NAV2: variants seen among roughly 807,000 people sequenced by gnomAD.
NAV2 encodes the protein neuron navigator 2.
In NAV2, 54 loss-of-function variants were observed where a neutral mutation model predicts 223.2. The ratio of observed to expected loss-of-function variants is 0.24; its 90% CI spans 0.19 to 0.30. NAV2 has a LOEUF of 0.30. NAV2 is among the 10% of genes least tolerant of loss of function. The probability of loss-of-function intolerance (pLI) is 1.00; values close to 1 mark genes in which losing one functional copy is unlikely to be tolerated. For missense variants in NAV2, 2,806 were observed against 3,147.5 expected, an observed-to-expected ratio of 0.89 and a Z score of 2.60; for synonymous variants, 1,279 against 1,239.3, an observed-to-expected ratio of 1.03 and a Z score of -0.67.
intron 1 of NAV2, among the ~76,000 whole-genome samples, chr11:19,684,917 TG>T (rs554094626): frequency 3.0e-4 from 45 of 152,334 alleles, no homozygotes; most frequent in African/African-American, 1.1e-3. Flanking sequence ...GTACAGTGCC[TG>T]GCACATTGTA....
intron 22 of NAV2, among the ~76,000 whole-genome samples, chr11:20,076,796 C>T (rs1471898403): frequency 6.6e-6 from 1 of 152,118 alleles, no homozygotes; most frequent in Non-Finnish European, 1.5e-5. Context: ...AAATTAGATG[C>T]TATTTTACTT....
chr11:19,398,329 T>C (rs949095016), intron 1 of NAV2, among the ~76,000 whole-genome samples: 3 of 152,120 alleles, frequency 2.0e-5, no homozygotes, highest in African/African-American at 7.2e-5. Context: ...AATGAGAGGA[T>C]GGTGCGAATG....
intron 8 of NAV2, among the ~76,000 whole-genome samples, chr11:19,941,954 T>C (rs932981631): frequency 2.0e-5 from 3 of 152,188 alleles, no homozygotes; most frequent in African/African-American, 7.2e-5. Flanking sequence ...AATCCTGGAT[T>C]TTTTCCATGG....
chr11:19,936,311 A>T (rs2045899471), intron 7 of NAV2, among the ~76,000 whole-genome samples: 1 of 152,216 alleles, frequency 6.6e-6, no homozygotes, highest in African/African-American at 2.4e-5. Context: ...AAAATATGAC[A>T]GTCTTTGATC....
intron 1 of NAV2, among the ~76,000 whole-genome samples, chr11:19,695,907 A>AAATAAAATAAAATAT (rs2049324471): frequency 1.3e-5 from 2 of 151,210 alleles, no homozygotes; most frequent in African/African-American, 4.8e-5. Context: ...AAATAAAATA[A>AAATAAAATAAAATAT]AATAAAATAA....
intron 11 of NAV2, among the ~76,000 whole-genome samples, chr11:20,024,048 A>T (rs1209909185): frequency 6.6e-6 from 1 of 152,114 alleles, no homozygotes; most frequent in Non-Finnish European, 1.5e-5. Flanking sequence ...ACCCAGGTTC[A>T]CTCTACCACC....
rs187645558 is a variant in NAV2, at chr11:19,448,866, G to T, written c.75+97839G>T. On this transcript the variant is annotated intron_variant, in intron 1 of 37. Transcript: ENST00000360655. ...TGGCAATGAAGTTATGGTCTGTGAAGGAGGGAGAGAGGAGAGCCAGAAAGT... is the reference window on the plus strand; with the variant it reads ...TGGCAATGAAGTTATGGTCTGTGAATGAGGGAGAGAGGAGAGCCAGAAAGT... 1.3e-5 allele frequency among the ~76,000 whole-genome samples: 2 copies of T among 152,212 alleles called. 1 individual carries two copies. Among genetic ancestry groups the T allele is most frequent in the South Asian group, 4.1e-4 (2 of 4,834 alleles).
intron 1 of NAV2, among the ~76,000 whole-genome samples, chr11:19,468,111 T>C (rs533235479): frequency 4.8e-4 from 73 of 152,192 alleles, no homozygotes; most frequent in African/African-American, 3.4e-4. Flanking sequence ...TGGTAGAGCA[T>C]GGAGGTTCTT....
At chr11:20,051,656 G>A (rs1056834257) in intron 17 of NAV2, among the ~76,000 whole-genome samples, 8 of 152,190 alleles carry the variant, frequency 5.3e-5, no homozygotes, top group Non-Finnish European at 1.2e-4. Flanking sequence ...ACTTCACCAT[G>A]ACCATTCTGT....
chr11:20,095,872 C>A (rs2061228272), intron 30 of NAV2, 105 bp downstream of exon 30: 4 of 788,714 alleles, frequency 5.1e-6, no homozygotes, highest in Middle Eastern at 2.5e-4. Flanking sequence ...TTTCTCAGAC[C>A]TGTCCCCTTC....
At chr11:19,418,249 C>T (rs4757808) in intron 1 of NAV2, among the ~76,000 whole-genome samples, 46,327 of 152,032 alleles carry the variant, frequency 0.3, 7,668 homozygotes, top group South Asian at 0.45. Context: ...TCCTATTTGA[C>T]AGGCTGAATG....
chr11:19,763,802 T>G (rs911887169), intron 1 of NAV2, among the ~76,000 whole-genome samples: 23 of 79,320 alleles, frequency 2.9e-4, no homozygotes, highest in African/African-American at 1.5e-3. Context: ...TTTTTTTTGT[T>G]TTTTTTTTAC....
chr11:19,352,488 G>A (rs978825352), intron 1 of NAV2, among the ~76,000 whole-genome samples: 4 of 152,210 alleles, frequency 2.6e-5, no homozygotes, highest in African/African-American at 9.6e-5. Flanking sequence ...GGCTCTGGCT[G>A]TGTTGGGTCC....
chr11:20,086,321 C>T (rs1034050535), intron 26 of NAV2, among the ~76,000 whole-genome samples: 1 of 152,204 alleles, frequency 6.6e-6, no homozygotes, highest in Non-Finnish European at 1.5e-5. Flanking sequence ...TCCAATCACA[C>T]TCTCCACCTC....
intron 1 of NAV2, among the ~76,000 whole-genome samples, chr11:19,663,630 C>T (rs2048343142): frequency 6.6e-6 from 1 of 152,186 alleles, no homozygotes; most frequent in South Asian, 2.1e-4. Context: ...TTTTCCAGCT[C>T]TCATTGCTTA....
chr11:20,080,010 T>C, intron 24 of NAV2, 54 bp from the exon 25 acceptor site: 16 of 1,593,944 alleles, frequency 1.0e-5, no homozygotes, highest in Non-Finnish European at 1.4e-5. Flanking sequence ...AATCCTGAGA[T>C]AAAGAATAGG....
At chr11:19,848,554 G>A (rs1246906290) in intron 3 of NAV2, among the ~76,000 whole-genome samples, 1 of 152,170 alleles carries the variant, frequency 6.6e-6, no homozygotes, top group Non-Finnish European at 1.5e-5. Flanking sequence ...CCAACTGCTT[G>A]TAACCCAGGT....
At chr11:20,111,263 C>A (rs1001281292) in intron 36 of NAV2, among the ~76,000 whole-genome samples, 1 of 152,190 alleles carries the variant, frequency 6.6e-6, no homozygotes, top group Non-Finnish European at 1.5e-5. Flanking sequence ...TCCCTGTTGT[C>A]CTGCTCCCAT....
intron 1 of NAV2, among the ~76,000 whole-genome samples, chr11:19,684,297 T>C (rs979730112): frequency 6.6e-6 from 1 of 152,318 alleles, no homozygotes; most frequent in African/African-American, 2.4e-5. Flanking sequence ...CACAATGTCC[T>C]CCCATCATTT....
Sources: allele counts gnomAD v4.1 joint callset (sites outside exome capture counted in the v4.1 genomes callset), GRCh38; gene constraint gnomAD v4.1.1; transcripts MANE v1.5; gene names NCBI Gene and HGNC (gene_info 2026-07-23, HGNC 2026-07-21).